Variants in PIK3C2A observed in about 807,000 individuals in gnomAD.
The protein encoded by PIK3C2A is phosphatidylinositol-4-phosphate 3-kinase catalytic subunit type 2 alpha.
In PIK3C2A, 97 loss-of-function variants were observed where a neutral mutation model predicts 204.5. The observed-to-expected ratio is 0.47, with a 90% CI of 0.40 to 0.56. The LOEUF (loss-of-function observed/expected upper bound fraction) is 0.56. Ranked by LOEUF, PIK3C2A falls within the 20% of genes least tolerant of loss-of-function variation. The pLI, the probability that PIK3C2A is intolerant of heterozygous loss-of-function variation, is 0.00. For missense variants in PIK3C2A, 1,735 were observed against 1,969.2 expected (o/e 0.88, Z 2.25); for synonymous variants, 653 against 664.4 (o/e 0.98, Z 0.26).
At chr11:17,180,913 T>C (rs965312961) in intron 1 of PIK3C2A, among the ~76,000 whole-genome samples, 6 of 151,894 alleles carry the variant, frequency 4.0e-5, no homozygotes, top group Non-Finnish European at 8.8e-5. Context: ...TATAATTTGC[T>C]AGAATGGTTC....
chr11:17,143,161 T>C (rs938859789), intron 8 of PIK3C2A, among the ~76,000 whole-genome samples: 1 of 152,148 alleles, frequency 6.6e-6, no homozygotes, highest in Non-Finnish European at 1.5e-5. Context: ...TTTGAATAAA[T>C]ATATTTATAT....
intron 1 of PIK3C2A, among the ~76,000 whole-genome samples, chr11:17,185,002 C>A (rs1851705911): frequency 1.3e-5 from 2 of 151,728 alleles, no homozygotes; most frequent in African/African-American, 2.4e-5. Context: ...TAGCATAGTA[C>A]ATGTACAGTG....
At chr11:17,203,401 A>G (rs1414124914) in intron 1 of PIK3C2A, among the ~76,000 whole-genome samples, 3 of 152,190 alleles carry the variant, frequency 2.0e-5, no homozygotes, top group African/African-American at 7.2e-5. Context: ...GTATACATAA[A>G]TGAACAAAAT....
intron 8 of PIK3C2A, among the ~76,000 whole-genome samples, chr11:17,142,876 C>A (rs531840460): frequency 2.0e-4 from 30 of 152,048 alleles, no homozygotes; most frequent in Non-Finnish European, 3.4e-4. Flanking sequence ...GAATTGGAAG[C>A]TGTAAAACCA....
chr11:17,181,872 ACT>A (rs1165478894), intron 1 of PIK3C2A, among the ~76,000 whole-genome samples: 2 of 151,968 alleles, frequency 1.3e-5, no homozygotes, highest in East Asian at 1.9e-4. Context: ...CGGGTGGATC[ACT>A]TGAGGTCAGG....
At chr11:17,147,686 G>C in intron 5 of PIK3C2A, 58 bp from the exon 6 acceptor site, 2 of 925,868 alleles carry the variant, frequency 2.2e-6, no homozygotes, top group Non-Finnish European at 3.4e-6. Context: ...ATAAAGGTGA[G>C]GGTAAAATTT....
At chr11:17,127,777 G>A (rs936159914) in intron 13 of PIK3C2A, among the ~76,000 whole-genome samples, 1 of 151,846 alleles carries the variant, frequency 6.6e-6, no homozygotes, top group African/African-American at 2.4e-5. Context: ...TTTCATTCTC[G>A]GTATTTGTTT....
At chr11:17,162,204 G>A (rs140245442) in intron 2 of PIK3C2A, among the ~76,000 whole-genome samples, 1 of 152,048 alleles carries the variant, frequency 6.6e-6, no homozygotes, top group East Asian at 1.9e-4. Flanking sequence ...GGGTGTGGTG[G>A]CAGGTGCCTG....
chr11:17,114,423 GA>G lies in PIK3C2A; in HGVS notation c.3258del (p.Gln1087ArgfsTer13). 5 of 1,594,134 alleles carry G rather than the reference GA, an allele frequency of 3.1e-6. No individual in the cohort carries two copies. Among genetic ancestry groups the G allele is most frequent in the Non-Finnish European group, 4.3e-6 (5 of 1,162,396 alleles). On this transcript the variant is annotated frameshift_variant, in exon 20 of 33. Coordinates refer to ENST00000691414, the MANE Select transcript of PIK3C2A (RefSeq NM_002645.4). LOFTEE classifies it high-confidence loss of function. ...AGAGGGAGACGGCATTTATTTTTCT[GA>G]AAAAAGGACTGTACTCGTTCCATAC... is the stretch of plus-strand genomic sequence containing the variant. ...QRSMERVQSFFQKNKCRLPLK... is the reference protein window; with the variant it reads ...QRSMERVQSFXQKNKCRLPLK...
At chr11:17,172,564 AG>A (rs1421423996) in intron 1 of PIK3C2A, among the ~76,000 whole-genome samples, 3 of 152,274 alleles carry the variant, frequency 2.0e-5, no homozygotes, top group Admixed American at 2.0e-4. Flanking sequence ...ACATAGCAAT[AG>A]ATAACTGATA....
intron 5 of PIK3C2A, 31 bp from the exon 6 acceptor site, chr11:17,147,659 T>C: frequency 8.6e-7 from 1 of 1,156,644 alleles, no homozygotes; most frequent in Non-Finnish European, 1.3e-6. Context: ...TTCACTATTC[T>C]ATTCAAATTA....
intron 26 of PIK3C2A, among the ~76,000 whole-genome samples, chr11:17,098,390 C>T (rs1200094814): frequency 6.6e-6 from 1 of 152,218 alleles, no homozygotes; most frequent in Non-Finnish European, 1.5e-5. Context: ...TGAGGACACA[C>T]TGTGAAGGTG....
chr11:17,169,810 T>C lies in PIK3C2A; in HGVS notation c.-65-4A>G. 2 of 986,518 alleles carry C rather than the reference T, an allele frequency of 2.0e-6. No homozygotes were observed. The highest frequency in any genetic ancestry group is 3.3e-5 in the South Asian group (2 of 61,494). The allele number at this position is 986,518 out of a possible 1,614,324, so 61.1% of individuals were successfully genotyped here. On this transcript the variant is annotated splice_region_variant and splice_polypyrimidine_tract_variant and intron_variant, in intron 1 of 32. Transcript: ENST00000691414. ...GTAGCTTCCAAAATAGCAAGGCCTA[T>C]ACATAAAAATAAACATAACACTCAA...
chr11:17,101,408 G>C lies in PIK3C2A; in HGVS notation c.3878C>G (p.Ser1293Cys), dbSNP rs770019192. Residue 1293 changes from serine (S) to cysteine (C), a missense_variant, in exon 25 of 33, where the codon TCT becomes TGT. Physicochemically the swap from Ser to Cys is moderately radical, Grantham distance 112. Coordinates refer to ENST00000691414, the MANE Select transcript of PIK3C2A (RefSeq NM_002645.4). ...KRDRAPFVLT[S>C]DMAYVINGGE... ...CCCATTAATGACATATGCCATATCAGAGGTCAGCACAAAAGGAGCCCGATC... is the reference window on the plus strand; with the variant it reads ...CCCATTAATGACATATGCCATATCACAGGTCAGCACAAAAGGAGCCCGATC... 1.3e-6 allele frequency: 2 copies of C among 1,569,834 alleles called. No individual in the cohort carries two copies. The highest frequency in any genetic ancestry group is 1.2e-5 in the South Asian group (1 of 85,792).
intron 1 of PIK3C2A, among the ~76,000 whole-genome samples, chr11:17,189,264 G>A (rs998905488): frequency 3.4e-5 from 5 of 147,102 alleles, no homozygotes; most frequent in South Asian, 4.1e-4. Flanking sequence ...AATTTTGGAG[G>A]TAAATATTAA....
chr11:17,178,711 GAATTTTTTTTTTTTT>G (rs1322194558), intron 1 of PIK3C2A, among the ~76,000 whole-genome samples: 2 of 89,252 alleles, frequency 2.2e-5, no homozygotes, highest in Admixed American at 1.3e-4. Flanking sequence ...GTTGATTTTT[GAATTTTTTTTTTTTT>G]TTTTTTTTTT....
chr11:17,190,629 G>C (rs1851908710), intron 1 of PIK3C2A, among the ~76,000 whole-genome samples: 1 of 151,336 alleles, frequency 6.6e-6, no homozygotes. Context: ...AGAAAAGATA[G>C]ACAATATGTA....
chr11:17,142,244 A>G (rs1017918161), intron 8 of PIK3C2A, among the ~76,000 whole-genome samples: 1 of 152,188 alleles, frequency 6.6e-6, no homozygotes, highest in Non-Finnish European at 1.5e-5. Context: ...GATGTGGAAA[A>G]GGTTAAGGTT....
Position 17,168,666 on chromosome 11 carries a change from A to G in PIK3C2A, c.1065+11T>C. The G allele has an allele frequency of 1.4e-6, 2 of 1,476,220 alleles. No homozygotes were observed. The highest frequency in any genetic ancestry group is 1.8e-6 in the Non-Finnish European group (2 of 1,090,988). 91.4% of individuals were successfully genotyped at this position (1,476,220 alleles called of 1,614,324 possible). A position where few individuals can be genotyped will look rare whatever the true frequency, so the allele number is the denominator to read the frequency against. On this transcript the variant is annotated intron_variant, in intron 2 of 32. Coordinates refer to ENST00000691414, the MANE Select transcript of PIK3C2A (RefSeq NM_002645.4). ...TACTAAGTTTGAGAAGTTAGTAAGA[A>G]AAGACTATACCTGAGATATATGGCC...
Sources: gnomAD v4.1 joint callset for allele counts (sites outside exome capture counted in the v4.1 genomes callset) on GRCh38, gnomAD v4.1.1 for gene constraint, MANE v1.5 for transcripts, NCBI Gene and HGNC (gene_info 2026-07-23, HGNC 2026-07-21) for gene names.